XRCC4: variants seen among roughly 807,000 people sequenced by gnomAD.
XRCC4 encodes the protein X-ray repair cross complementing 4, also known as DNA repair protein XRCC4.
A neutral mutation model predicts 39.1 loss-of-function variants in XRCC4; 28 were observed. That is an observed-to-expected ratio of 0.72 (90% CI 0.53 to 0.98). The LOEUF (loss-of-function observed/expected upper bound fraction) is 0.98, where lower values mean the gene tolerates loss of function less well. Ranked by LOEUF, XRCC4 falls within the 50% of genes least tolerant of loss-of-function variation. XRCC4 has a pLI of 0.00. For synonymous variants in XRCC4, 123 were observed against 126.4 expected (o/e 0.97, Z 0.18); for missense variants, 350 against 376.4 (o/e 0.93, Z 0.58).
chr5:83,102,472 G>T (rs1745985604), intron 1 of XRCC4, among the ~76,000 whole-genome samples: 1 of 152,074 alleles, frequency 6.6e-6, no homozygotes, highest in East Asian at 1.9e-4. Flanking sequence ...CCTTCTTTGG[G>T]ACAGGCATAG....
chr5:83,272,534 G>A lies in XRCC4; in HGVS notation c.893+13857G>A, dbSNP rs573024883. On this transcript the variant is annotated intron_variant, in intron 7 of 7. Coordinates refer to ENST00000396027, the MANE Select transcript of XRCC4 (RefSeq NM_003401.5). ...CATCAACCCATCATCTAGGTGTTACGCCCCGTATGCATTAGGTATTTGTCC... is the reference window on the plus strand; with the variant it reads ...CATCAACCCATCATCTAGGTGTTACACCCCGTATGCATTAGGTATTTGTCC... Among the ~76,000 whole-genome samples the A allele has an allele frequency of 8.6e-4, 131 of 151,988 alleles. No homozygotes were observed. The Middle Eastern group carries it at 0.01, about 12-fold the overall frequency.
chr5:83,258,683 T>C lies in XRCC4; in HGVS notation c.893+6T>C. The C allele has an allele frequency of 6.2e-7, 1 of 1,609,078 alleles. No individual in the cohort carries two copies. The highest frequency in any genetic ancestry group is 8.5e-7 in the Non-Finnish European group (1 of 1,178,278). On this transcript the variant is annotated splice_donor_region_variant and intron_variant, in intron 7 of 7. Transcript: ENST00000396027. ...CAGCTTCAAGAAAAGGAAAAGTAAG[T>C]CATTTTATTCTTTGCCAAGAAGTGA...
At chr5:83,115,418 ACT>A (rs1273683068) in intron 3 of XRCC4, among the ~76,000 whole-genome samples, 1 of 151,056 alleles carries the variant, frequency 6.6e-6, no homozygotes, top group African/African-American at 2.4e-5. Context: ...CAAGTGTGAA[ACT>A]CTGTCTCAAA....
At chr5:83,238,092 C>A (rs1752760512) in intron 6 of XRCC4, among the ~76,000 whole-genome samples, 1 of 152,132 alleles carries the variant, frequency 6.6e-6, no homozygotes, top group Non-Finnish European at 1.5e-5. Context: ...CCAACCTAAA[C>A]CTCCCTGCTA....
At chr5:83,295,212 C>A (rs2112986153) in intron 7 of XRCC4, among the ~76,000 whole-genome samples, 1 of 152,008 alleles carries the variant, frequency 6.6e-6, no homozygotes, top group South Asian at 2.1e-4. Flanking sequence ...ATTTGACCAC[C>A]AGACCACTTT....
At chr5:83,233,248 C>T (rs1752562132) in intron 6 of XRCC4, among the ~76,000 whole-genome samples, 1 of 152,048 alleles carries the variant, frequency 6.6e-6, no homozygotes, top group Non-Finnish European at 1.5e-5. Flanking sequence ...CAATATAAAT[C>T]CTACTTATTT....
intron 3 of XRCC4, among the ~76,000 whole-genome samples, chr5:83,146,436 G>A (rs950814421): frequency 3.3e-5 from 5 of 152,148 alleles, no homozygotes; most frequent in African/African-American, 1.2e-4. Flanking sequence ...TGGTTGTGGG[G>A]TCATTAGCAG....
chr5:83,228,715 AC>A, intron 6 of XRCC4, among the ~76,000 whole-genome samples: 1 of 152,120 alleles, frequency 6.6e-6, no homozygotes, highest in Non-Finnish European at 1.5e-5. Context: ...CACTAAAAAA[AC>A]AATTATTCCA....
At chr5:83,144,838 T>C (rs62374374) in intron 3 of XRCC4, among the ~76,000 whole-genome samples, 73,497 of 151,822 alleles carry the variant, frequency 0.48, 18,757 homozygotes, top group African/African-American at 0.63. Flanking sequence ...ATTTGGTTCT[T>C]GTTTATAGCC....
intron 6 of XRCC4, among the ~76,000 whole-genome samples, chr5:83,253,216 A>G (rs1170663601): frequency 6.6e-6 from 1 of 152,178 alleles, no homozygotes; most frequent in Non-Finnish European, 1.5e-5. Flanking sequence ...GCTTACATAT[A>G]TGGTAGAAGA....
At chr5:83,171,151 C>G (rs1281492736) in intron 3 of XRCC4, among the ~76,000 whole-genome samples, 2 of 152,112 alleles carry the variant, frequency 1.3e-5, no homozygotes, top group African/African-American at 4.8e-5. Context: ...TTCCACTTCT[C>G]AACTTACATG....
At chr5:83,284,210 C>T (rs1368226588) in intron 7 of XRCC4, among the ~76,000 whole-genome samples, 2 of 151,806 alleles carry the variant, frequency 1.3e-5, no homozygotes, top group Non-Finnish European at 2.9e-5. Context: ...GTAGAGCACT[C>T]TTTTCATTTG....
At chr5:83,109,609 T>C (rs1383958532) in intron 2 of XRCC4, among the ~76,000 whole-genome samples, 1 of 151,856 alleles carries the variant, frequency 6.6e-6, no homozygotes, top group Non-Finnish European at 1.5e-5. Flanking sequence ...AACAAACAAG[T>C]ATGCAGACCC....
chr5:83,131,819 T>C (rs1747602932), intron 3 of XRCC4, among the ~76,000 whole-genome samples: 1 of 152,114 alleles, frequency 6.6e-6, no homozygotes, highest in South Asian at 2.1e-4. Context: ...ACTGATGGGT[T>C]GTGACTCTTT....
chr5:83,086,216 G>T (rs1470776634), intron 1 of XRCC4, among the ~76,000 whole-genome samples: 1 of 152,176 alleles, frequency 6.6e-6, no homozygotes, highest in Admixed American at 6.5e-5. Flanking sequence ...AGCGTACATT[G>T]TAATTAGCTA....
At chr5:83,264,090 G>A (rs1415401582) in intron 7 of XRCC4, among the ~76,000 whole-genome samples, 1 of 152,146 alleles carries the variant, frequency 6.6e-6, no homozygotes, top group East Asian at 1.9e-4. Flanking sequence ...GATAGAGTTT[G>A]TATAAGGTAT....
intron 3 of XRCC4, among the ~76,000 whole-genome samples, chr5:83,117,496 T>C (rs1423947108): frequency 6.6e-6 from 1 of 152,230 alleles, no homozygotes; most frequent in African/African-American, 2.4e-5. Flanking sequence ...AAAACAATTA[T>C]TTTTGATAAG....
At chr5:83,305,481 G>A (rs1755448021) in intron 7 of XRCC4, among the ~76,000 whole-genome samples, 1 of 152,104 alleles carries the variant, frequency 6.6e-6, no homozygotes, top group Admixed American at 6.5e-5. Flanking sequence ...AGTCTAAAAT[G>A]TGTTATGTTT....
intron 3 of XRCC4, among the ~76,000 whole-genome samples, chr5:83,174,355 T>G (rs186884889): frequency 4.1e-4 from 62 of 152,142 alleles, no homozygotes; most frequent in African/African-American, 1.2e-3. Context: ...TTTTGAAGAG[T>G]CGTTTTGTAT....
Sources: gnomAD v4.1 joint callset for allele counts (sites outside exome capture counted in the v4.1 genomes callset) on GRCh38, gnomAD v4.1.1 for gene constraint, MANE v1.5 for transcripts, NCBI Gene and HGNC (gene_info 2026-07-23, HGNC 2026-07-21) for gene names.